The following GPC5 variants were observed in gnomAD, a reference collection of about 807,000 sequenced individuals.
GPC5 encodes glypican 5, also known as glypican-5.
Under a neutral mutation model 53.9 loss-of-function variants are expected in GPC5, and 47 were observed. The observed-to-expected ratio is 0.87, with a 90% confidence interval of 0.69 to 1.11. The LOEUF is 1.11. Ranked by LOEUF, GPC5 falls within the 50% of genes most tolerant of loss-of-function variation. The pLI, the probability that GPC5 is intolerant of heterozygous loss-of-function variation, is 0.00. For synonymous variants in GPC5, 286 were observed against 263.3 expected (o/e 1.09, Z -0.84); for missense variants, 748 against 713.1 (o/e 1.05, Z -0.56).
chr13:92,610,030 CAAA>C (rs56913637), intron 7 of GPC5, among the ~76,000 whole-genome samples: 938 of 70,780 alleles, frequency 0.013, 4 homozygotes, highest in African/African-American at 0.031. Context: ...GACTCCATCT[CAAA>C]AAAAAAAAAA....
chr13:92,754,606 A>T (rs941135700), intron 7 of GPC5, among the ~76,000 whole-genome samples: 1 of 151,560 alleles, frequency 6.6e-6, no homozygotes, highest in African/African-American at 2.4e-5. Flanking sequence ...AGAGACACAC[A>T]TAGGCTCAAA....
chr13:92,663,062 C>A (rs1886402971), intron 7 of GPC5, among the ~76,000 whole-genome samples: 1 of 151,234 alleles, frequency 6.6e-6, no homozygotes, highest in Non-Finnish European at 1.5e-5. Context: ...TGCAAGCCAA[C>A]AATTTAAATT....
chr13:92,119,768 C>T (rs1406888844), intron 6 of GPC5, among the ~76,000 whole-genome samples: 2 of 151,640 alleles, frequency 1.3e-5, no homozygotes, highest in African/African-American at 2.4e-5. Context: ...AAAATAATGC[C>T]TCCTTTGAAT....
chr13:92,790,280 T>C (rs1208027638), intron 7 of GPC5, among the ~76,000 whole-genome samples: 1 of 152,078 alleles, frequency 6.6e-6, no homozygotes, highest in Non-Finnish European at 1.5e-5. Context: ...GAAGGATAGT[T>C]AGAAAATTCA....
intron 7 of GPC5, among the ~76,000 whole-genome samples, chr13:92,347,830 C>G (rs2043425930): frequency 1.1e-5 from 1 of 94,538 alleles, no homozygotes; most frequent in Non-Finnish European, 2.0e-5. Context: ...TAAGTTTTAT[C>G]AGCTTGAAAT....
chr13:91,555,680 G>T (rs1259255758), intron 2 of GPC5, among the ~76,000 whole-genome samples: 1 of 151,990 alleles, frequency 6.6e-6, no homozygotes, highest in African/African-American at 2.4e-5. Context: ...AATTTGTAAA[G>T]AAAAAGAGGT....
In GPC5 at chr13:91,977,955, A is replaced by AGAAAGAAAGAAAG. The variant is rs1555301807; in HGVS notation, c.1401+69898_1401+69899insGAAAGAAAGAAAG. ...AACGAGACCGCCATCTCTAAAAGAA[A>AGAAAGAAAGAAAG]AAAGAAAGAAAGAAAGAAAGAAAGA... On this transcript the variant is annotated intron_variant, in intron 6 of 7. Transcript: ENST00000377067. 1.0e-3 allele frequency among the ~76,000 whole-genome samples: 143 copies of AGAAAGAAAGAAAG among 142,980 alleles called. 1 individual carries two copies. The highest frequency in any genetic ancestry group is 3.9e-3 in the African/African-American group (134 of 34,624). The allele number at this position is 142,980 out of a possible 152,430, so 93.8% of individuals were successfully genotyped here. A position where few individuals can be genotyped will look rare whatever the true frequency, so the allele number is the denominator to read the frequency against.
chr13:92,736,158 GTCTT>G (rs1888929451), intron 7 of GPC5, among the ~76,000 whole-genome samples: 1 of 151,890 alleles, frequency 6.6e-6, no homozygotes, highest in Non-Finnish European at 1.5e-5. Context: ...CAGTTGTTAT[GTCTT>G]TGTTTACTTC....
At chr13:92,452,191 G>T (rs1343239100) in intron 7 of GPC5, among the ~76,000 whole-genome samples, 1 of 152,166 alleles carries the variant, frequency 6.6e-6, no homozygotes, top group African/African-American at 2.4e-5. Flanking sequence ...GGTTGAAACT[G>T]CAGGATTACA....
At position 92,523,853 on chromosome 13, in the gene GPC5, A is replaced by C. The variant is rs558996567; in HGVS notation, c.1562-342429A>C. ...TCCCATGCATATAAAAGTAATGTTT[A>C]GATTATACTATAGTCAATTAAGTGT... On this transcript the variant is annotated intron_variant, in intron 7 of 7. Coordinates refer to ENST00000377067, the MANE Select transcript of GPC5 (RefSeq NM_004466.6). Among the ~76,000 whole-genome samples the C allele has an allele frequency of 7.9e-5, 12 of 152,230 alleles. No homozygotes were observed. The East Asian group carries it at 1.7e-3, about 22-fold the overall frequency.
intron 7 of GPC5, among the ~76,000 whole-genome samples, chr13:92,766,764 C>T (rs1381612493): frequency 6.6e-6 from 1 of 152,160 alleles, no homozygotes. Flanking sequence ...TGAATAAATT[C>T]ATTTGCTTTT....
chr13:91,851,318 G>A (rs2038910491), intron 5 of GPC5, among the ~76,000 whole-genome samples: 1 of 151,950 alleles, frequency 6.6e-6, no homozygotes, highest in Non-Finnish European at 1.5e-5. Context: ...AATCTAAAAG[G>A]TAAATAAAAA....
chr13:91,745,398 G>T (rs935239284), intron 4 of GPC5, among the ~76,000 whole-genome samples: 14 of 152,032 alleles, frequency 9.2e-5, no homozygotes, highest in African/African-American at 3.4e-4. Flanking sequence ...TGCTAAACAT[G>T]AAACACCTGT....
chr13:91,649,620 A>G (rs1357891498), intron 2 of GPC5, among the ~76,000 whole-genome samples: 1 of 152,196 alleles, frequency 6.6e-6, no homozygotes, highest in Admixed American at 6.5e-5. Context: ...TTGCAATCCC[A>G]GTGTGTTGTT....
rs1877585319 is a variant in GPC5 at position 91,409,740 on chromosome 13, A to G, written c.163+10531A>G. Among the ~76,000 whole-genome samples the G allele has an allele frequency of 2.6e-5, 4 of 152,192 alleles. No individual in the cohort carries two copies. In the South Asian group the frequency reaches 8.3e-4, roughly 32 times the overall value. On this transcript the variant is annotated intron_variant, in intron 1 of 7. Coordinates refer to ENST00000377067, the MANE Select transcript of GPC5 (RefSeq NM_004466.6). ...CTTTCATATTAGATTCAGGGGGAAC[A>G]TGTGCAGGTTTGTTACTTGGGTTTA...
chr13:91,514,384 T>A (rs1043041671), intron 2 of GPC5, among the ~76,000 whole-genome samples: 3 of 152,210 alleles, frequency 2.0e-5, no homozygotes, highest in African/African-American at 7.2e-5. Context: ...TGCATTTCCC[T>A]AATAGGCTAA....
chr13:91,780,082 GT>G (rs1470930828), intron 5 of GPC5, among the ~76,000 whole-genome samples: 7 of 152,176 alleles, frequency 4.6e-5, no homozygotes, highest in African/African-American at 1.7e-4. Flanking sequence ...CACCAAACAT[GT>G]GAGTAACATT....
intron 7 of GPC5, among the ~76,000 whole-genome samples, chr13:92,480,423 C>T (rs928652444): frequency 6.6e-6 from 1 of 152,086 alleles, no homozygotes; most frequent in African/African-American, 2.4e-5. Flanking sequence ...TGGATCATAA[C>T]ATAAAATAAT....
chr13:92,079,133 C>T (rs2138877521), intron 6 of GPC5, among the ~76,000 whole-genome samples: 1 of 152,156 alleles, frequency 6.6e-6, no homozygotes, highest in East Asian at 1.9e-4. Context: ...CTCACTGCAA[C>T]CTCCGCCTTC....
Sources: gnomAD v4.1 joint callset for allele counts (sites outside exome capture counted in the v4.1 genomes callset) on GRCh38, gnomAD v4.1.1 for gene constraint, MANE v1.5 for transcripts, NCBI Gene and HGNC (gene_info 2026-07-23, HGNC 2026-07-21) for gene names.